The following MAST4 variants were observed in gnomAD, a reference collection of about 807,000 sequenced individuals.
MAST4 encodes the protein microtubule-associated serine/threonine-protein kinase 4.
A neutral mutation model predicts 162.7 loss-of-function variants in MAST4; 89 were observed. The ratio of observed to expected loss-of-function variants is 0.55; its 90% CI spans 0.46 to 0.65. The LOEUF (loss-of-function observed/expected upper bound fraction) is 0.65, where lower values mean the gene tolerates loss of function less well. MAST4 is among the 30% of genes least tolerant of loss of function. The pLI is 0.00. For missense variants in MAST4, 3,153 were observed against 3,374.0 expected (o/e 0.93, Z 1.62); for synonymous variants, 1,479 against 1,361.1 (o/e 1.09, Z -1.91).
intron 1 of MAST4, among the ~76,000 whole-genome samples, chr5:66,617,160 C>A (rs1036912529): frequency 6.6e-6 from 1 of 152,132 alleles, no homozygotes; most frequent in Non-Finnish European, 1.5e-5. Context: ...GGAGCAGTAT[C>A]TCATTAAAAT....
chr5:67,036,206 A>G (rs1321258181), intron 4 of MAST4, among the ~76,000 whole-genome samples: 3 of 152,180 alleles, frequency 2.0e-5, no homozygotes, highest in South Asian at 4.1e-4. Context: ...TCAATAAAGT[A>G]TCCTGTTACA....
rs1220438308 is a variant in MAST4 at position 67,104,509 on chromosome 5, C to T, written c.1290C>T (p.His430=). 5 of 1,613,844 alleles carry T rather than the reference C, an allele frequency of 3.1e-6. No homozygotes were observed. The highest frequency in any genetic ancestry group is 2.7e-5 in the African/African-American group (2 of 75,012). The change falls in exon 10 of 29, where the codon CAC becomes CAT. Residue 430 remains histidine (H), a synonymous_variant. Coordinates refer to ENST00000403625, the MANE Select transcript of MAST4 (RefSeq NM_001164664.2). The stretch of plus-strand genomic sequence containing the variant: ...CTCGAGATTGCTTGGATAAATCCCA[C>T]CAGGGCCTCATCACCTCACGATACT... ...ELARDCLDKS[H]QGLITSRYFL...
chr5:66,996,279 C>CA lies in MAST4; in HGVS notation c.675-58118dup, dbSNP rs201213601. Among the ~76,000 whole-genome samples the CA allele has an allele frequency of 1.6e-4, 23 of 148,030 alleles. 1 individual carries two copies. Among genetic ancestry groups the CA allele is most frequent in the Admixed American group, 4.7e-4 (7 of 14,826 alleles). ...GGGCAACAAGAGTGAAACTCCATCT[C>CA]AAAAAAATATATATATATATACTTT... On this transcript the variant is annotated intron_variant, in intron 4 of 28. Transcript: ENST00000403625.
intron 5 of MAST4, among the ~76,000 whole-genome samples, chr5:67,082,262 C>T (rs1762750279): frequency 6.6e-6 from 1 of 151,206 alleles, no homozygotes; most frequent in East Asian, 1.9e-4. Context: ...GATTCTTCTG[C>T]CTCAGCCTCC....
intron 3 of MAST4, among the ~76,000 whole-genome samples, chr5:66,860,606 T>A (rs1268357034): frequency 7.3e-6 from 1 of 136,806 alleles, no homozygotes; most frequent in African/African-American, 2.8e-5. Flanking sequence ...GATCACCTTT[T>A]TCGTTTTTTT....
chr5:67,140,229 G>T (rs1032485546), intron 19 of MAST4, among the ~76,000 whole-genome samples: 1 of 152,050 alleles, frequency 6.6e-6, no homozygotes, highest in African/African-American at 2.4e-5. Flanking sequence ...CACTAACTAG[G>T]GCTTTCCCTA....
chr5:67,010,137 G>A (rs1752504297), intron 4 of MAST4, among the ~76,000 whole-genome samples: 1 of 152,088 alleles, frequency 6.6e-6, no homozygotes, highest in Non-Finnish European at 1.5e-5. Flanking sequence ...TGAATACCAC[G>A]GGATATTTAT....
intron 3 of MAST4, among the ~76,000 whole-genome samples, chr5:66,846,419 T>C (rs1172180918): frequency 6.6e-6 from 1 of 152,162 alleles, no homozygotes; most frequent in Non-Finnish European, 1.5e-5. Flanking sequence ...TTTTTTCAAT[T>C]GTAGGCTTAG....
intron 4 of MAST4, among the ~76,000 whole-genome samples, chr5:66,911,400 A>G (rs1053724198): frequency 3.3e-5 from 5 of 152,140 alleles, no homozygotes; most frequent in African/African-American, 1.2e-4. Context: ...TTTAGATTGC[A>G]AACTCTAATA....
At chr5:66,713,233 G>T (rs184797650) in intron 1 of MAST4, among the ~76,000 whole-genome samples, 8 of 152,200 alleles carry the variant, frequency 5.3e-5, no homozygotes, top group Admixed American at 3.3e-4. Context: ...TTGCTCTGGG[G>T]CACACAGCCC....
At chr5:67,136,323 A>G (rs940796890) in intron 18 of MAST4, among the ~76,000 whole-genome samples, 1 of 152,246 alleles carries the variant, frequency 6.6e-6, no homozygotes, top group South Asian at 2.1e-4. Flanking sequence ...TTATTGAAAT[A>G]TTCTCTTCCT....
At chr5:67,023,968 T>C (rs957521967) in intron 4 of MAST4, among the ~76,000 whole-genome samples, 1 of 152,020 alleles carries the variant, frequency 6.6e-6, no homozygotes, top group African/African-American at 2.4e-5. Context: ...GTGTACACTT[T>C]AGTAGTGTTA....
At chr5:67,139,138 C>T (rs1233762661) in intron 19 of MAST4, among the ~76,000 whole-genome samples, 1 of 152,232 alleles carries the variant, frequency 6.6e-6, no homozygotes, top group Non-Finnish European at 1.5e-5. Context: ...GCTTGCCAAA[C>T]AGGCCAGTCC....
At chr5:66,611,175 CTT>C (rs1260437802) in intron 1 of MAST4, among the ~76,000 whole-genome samples, 1 of 152,226 alleles carries the variant, frequency 6.6e-6, no homozygotes. Context: ...TACCAGCAGA[CTT>C]TAAGACTTTA....
At chr5:66,940,363 T>A (rs1743229158) in intron 4 of MAST4, among the ~76,000 whole-genome samples, 2 of 152,170 alleles carry the variant, frequency 1.3e-5, no homozygotes, top group South Asian at 4.1e-4. Flanking sequence ...TAGCAGTCAA[T>A]GCTATTTGGT....
intron 1 of MAST4, among the ~76,000 whole-genome samples, chr5:66,713,586 G>A (rs4131615): frequency 0.37 from 56,473 of 151,942 alleles, 10,567 homozygotes; most frequent in Non-Finnish European, 0.39. Flanking sequence ...CTCCATTTCC[G>A]TTGCATTTCT....
chr5:66,950,684 A>C (rs1446085654), intron 4 of MAST4, among the ~76,000 whole-genome samples: 1 of 152,116 alleles, frequency 6.6e-6, no homozygotes, highest in Non-Finnish European at 1.5e-5. Context: ...TCACCTATTC[A>C]TCTGTTAATC....
intron 3 of MAST4, among the ~76,000 whole-genome samples, chr5:66,849,565 T>TAAGGCGTTCCTTCTTCAGGGC (rs1353935841): frequency 1.1e-4 from 17 of 152,270 alleles, no homozygotes; most frequent in Non-Finnish European, 2.9e-5. Context: ...TAAGCCAGGG[T>TAAGGCGTTCCTTCTTCAGGGC]AAGGCGTTCC....
At chr5:66,911,616 G>A (rs1763782929) in intron 4 of MAST4, among the ~76,000 whole-genome samples, 1 of 125,128 alleles carries the variant, frequency 8.0e-6, no homozygotes, top group South Asian at 2.5e-4. Flanking sequence ...TGTATCTATA[G>A]TCCTAGCTAC....
Sources: allele counts gnomAD v4.1 joint callset (sites outside exome capture counted in the v4.1 genomes callset), GRCh38; gene constraint gnomAD v4.1.1; transcripts MANE v1.5; gene names NCBI Gene and HGNC (gene_info 2026-07-23, HGNC 2026-07-21).